NAALADL2: variants seen among roughly 807,000 people sequenced by gnomAD.
The protein encoded by NAALADL2 is N-acetylated alpha-linked acidic dipeptidase like 2, also known as inactive N-acetylated-alpha-linked acidic dipeptidase-like protein 2.
A neutral mutation model predicts 87.2 loss-of-function variants in NAALADL2; 76 were observed. That is an observed-to-expected ratio of 0.87 (90% CI 0.72 to 1.05). The LOEUF is 1.05. Among genes scored for constraint, NAALADL2 ranks in the 50% least tolerant of loss-of-function variants. NAALADL2 has a pLI of 0.00. For missense variants in NAALADL2, 1,089 were observed against 945.8 expected, an observed-to-expected ratio of 1.15 and a Z score of -1.99; for synonymous variants, 354 against 331.0, an observed-to-expected ratio of 1.07 and a Z score of -0.75.
Position 175,190,705 on chromosome 3 carries a change from G to A in NAALADL2, c.546-43226G>A, listed in dbSNP as rs753423934. ...AAAGTAACCAATATGGGCCGGGCGC[G>A]GTGGCTCACGCCTGTAATCCCAGCA... On this transcript the variant is annotated intron_variant, in intron 2 of 13. Coordinates refer to ENST00000454872, the MANE Select transcript of NAALADL2 (RefSeq NM_207015.3). Among the ~76,000 whole-genome samples the A allele has an allele frequency of 5.3e-5, 8 of 152,194 alleles. No individual in the cohort carries two copies. The South Asian group carries it at 1.0e-3, about 20-fold the overall frequency.
chr3:175,660,969 A>G (rs1317211949), intron 11 of NAALADL2, among the ~76,000 whole-genome samples: 2 of 152,034 alleles, frequency 1.3e-5, no homozygotes, highest in African/African-American at 2.4e-5. Context: ...GACGGTGCAG[A>G]TATCCTTTGA....
intron 13 of NAALADL2, among the ~76,000 whole-genome samples, chr3:175,771,340 G>A (rs1035025072): frequency 2.0e-5 from 3 of 152,050 alleles, no homozygotes; most frequent in African/African-American, 7.2e-5. Context: ...GTAAATCAAA[G>A]GTTTTGTGAT....
rs71162401 is a variant in NAALADL2 at position 174,663,794 on chromosome 3, CT to C, written c.-114-73836del. 1.3e-4 allele frequency among the ~76,000 whole-genome samples: 19 copies of C among 142,692 alleles called. No individual in the cohort carries two copies. In the South Asian group the frequency reaches 1.3e-3, roughly 10 times the overall value. The allele number at this position is 142,692 out of a possible 152,430, so 93.6% of individuals were successfully genotyped here. On this transcript the variant is annotated intron_variant, in intron 2 of 3. Transcript: ENST00000434257. ...TATTCACTGGATTTCTTTTTTTTTTCTTTTTTTTTTTGAGACAGAGTTTTGC... is the reference window on the plus strand; with the variant it reads ...TATTCACTGGATTTCTTTTTTTTTTCTTTTTTTTTTGAGACAGAGTTTTGC...
chr3:174,548,105 C>G (rs1047311199), intron 1 of NAALADL2, among the ~76,000 whole-genome samples: 1 of 152,044 alleles, frequency 6.6e-6, no homozygotes, highest in African/African-American at 2.4e-5. Context: ...AGAGTTCTCT[C>G]CAAAGAAGGA....
intron 2 of NAALADL2, among the ~76,000 whole-genome samples, chr3:174,699,715 T>C (rs192216767): frequency 9.4e-4 from 132 of 140,988 alleles, no homozygotes; most frequent in African/African-American, 3.6e-3. Context: ...GTATAAAATA[T>C]TATTTTGTTG....
At chr3:175,646,012 T>C (rs754042187) in intron 11 of NAALADL2, among the ~76,000 whole-genome samples, 36 of 152,142 alleles carry the variant, frequency 2.4e-4, no homozygotes, top group Non-Finnish European at 4.6e-4. Context: ...GATAATCCAG[T>C]ATAAAATAAG....
intron 1 of NAALADL2, among the ~76,000 whole-genome samples, chr3:175,018,626 C>T (rs903453389): frequency 5.3e-5 from 8 of 151,988 alleles, no homozygotes; most frequent in Admixed American, 4.6e-4. Context: ...ACCATGATTA[C>T]AAAAATAATT....
intron 11 of NAALADL2, among the ~76,000 whole-genome samples, chr3:175,671,580 C>T (rs1349071721): frequency 2.6e-5 from 4 of 151,930 alleles, no homozygotes; most frequent in South Asian, 2.1e-4. Context: ...ATAGGTGAGC[C>T]TATTCTCTGA....
At chr3:175,664,157 T>C (rs898418262) in intron 11 of NAALADL2, among the ~76,000 whole-genome samples, 2 of 152,114 alleles carry the variant, frequency 1.3e-5, no homozygotes, top group African/African-American at 4.8e-5. Flanking sequence ...TAAACGCTCA[T>C]GCTCATAGTT....
chr3:174,677,312 C>T (rs1157268499), intron 2 of NAALADL2, among the ~76,000 whole-genome samples: 1 of 151,894 alleles, frequency 6.6e-6, no homozygotes, highest in Non-Finnish European at 1.5e-5. Flanking sequence ...TTGTTTTTTT[C>T]ACTCAACATT....
chr3:175,651,237 G>C (rs1351415654), intron 11 of NAALADL2, among the ~76,000 whole-genome samples: 3 of 152,002 alleles, frequency 2.0e-5, no homozygotes, highest in Non-Finnish European at 2.9e-5. Context: ...AAATTATAGT[G>C]ACATAATGAA....
chr3:174,567,451 A>G (rs1218075411), intron 2 of NAALADL2, among the ~76,000 whole-genome samples: 1 of 151,518 alleles, frequency 6.6e-6, no homozygotes, highest in Non-Finnish European at 1.5e-5. Context: ...TGAACTTCTA[A>G]TTAGAGCATT....
At position 175,499,913 on chromosome 3, in the gene NAALADL2, G is replaced by A. The variant is rs527808884; in HGVS notation, c.1653+28155G>A. Among the ~76,000 whole-genome samples, 10 of 152,134 alleles carry A rather than the reference G, an allele frequency of 6.6e-5. No individual in the cohort carries two copies. The South Asian group carries it at 2.1e-3, about 31-fold the overall frequency. ...CTGAGTAGAGTCTAAAATGGTGCAGGTGAACCTAAAGCTTTTGGCCTCTTT... is the reference window on the plus strand; with the variant it reads ...CTGAGTAGAGTCTAAAATGGTGCAGATGAACCTAAAGCTTTTGGCCTCTTT... On this transcript the variant is annotated intron_variant, in intron 9 of 13. Coordinates refer to ENST00000454872, the MANE Select transcript of NAALADL2 (RefSeq NM_207015.3).
rs541979186 is a variant in NAALADL2 at position 175,016,429 on chromosome 3, A to C, written c.44-80361A>C. On this transcript the variant is annotated intron_variant, in intron 1 of 13. Coordinates refer to ENST00000454872, the MANE Select transcript of NAALADL2 (RefSeq NM_207015.3). ...ATTGAAAAAATACTGATTATAAAACAATACACACCATAAGATTCCAGTTTT... is the reference window on the plus strand; with the variant it reads ...ATTGAAAAAATACTGATTATAAAACCATACACACCATAAGATTCCAGTTTT... Among the ~76,000 whole-genome samples the C allele has an allele frequency of 4.0e-5, 6 of 151,600 alleles. No homozygotes were observed. In the South Asian group the frequency reaches 1.2e-3, roughly 31 times the overall value.
At chr3:175,606,127 G>T (rs1723700746) in intron 10 of NAALADL2, among the ~76,000 whole-genome samples, 1 of 152,178 alleles carries the variant, frequency 6.6e-6, no homozygotes. Context: ...AACAAAAGAA[G>T]CCTTGTGTCT....
intron 1 of NAALADL2, among the ~76,000 whole-genome samples, chr3:174,921,865 G>T (rs1234691246): frequency 6.8e-6 from 1 of 146,378 alleles, no homozygotes; most frequent in Non-Finnish European, 1.5e-5. Flanking sequence ...GTATTTTAAA[G>T]GTGCAAAATC....
intron 2 of NAALADL2, chr3:174,551,101 G>C (rs6805137): frequency 6.6e-6 from 1 of 151,856 alleles, no homozygotes; most frequent in Non-Finnish European, 1.5e-5. Context: ...CCATTAACTC[G>C]TCATTTAGCA....
chr3:175,460,110 A>G (rs1223984824), intron 6 of NAALADL2: 8 of 454,648 alleles, frequency 1.8e-5, no homozygotes, highest in South Asian at 3.1e-5. Flanking sequence ...TGCTTTTGTT[A>G]TTGCTATGAA....
At chr3:175,643,941 C>T (rs1050443970) in intron 11 of NAALADL2, among the ~76,000 whole-genome samples, 5 of 152,008 alleles carry the variant, frequency 3.3e-5, no homozygotes, top group African/African-American at 1.2e-4. Context: ...TGATATGATC[C>T]TCTGCCAAAC....
Sources: gnomAD v4.1 joint callset for allele counts (sites outside exome capture counted in the v4.1 genomes callset) on GRCh38, gnomAD v4.1.1 for gene constraint, MANE v1.5 for transcripts, NCBI Gene and HGNC (gene_info 2026-07-23, HGNC 2026-07-21) for gene names.